Variants in ARMC2 observed in about 807,000 individuals in gnomAD.
ARMC2 encodes the protein armadillo repeat-containing protein 2.
In ARMC2, 67 loss-of-function variants were observed where a neutral mutation model predicts 90.3. The ratio of observed to expected loss-of-function variants is 0.74; its 90% CI spans 0.61 to 0.91. The LOEUF is 0.91. Ranked by LOEUF, ARMC2 falls within the 40% of genes least tolerant of loss-of-function variation. The pLI is 0.00. For missense variants in ARMC2, 920 were observed against 1,030.9 expected, an observed-to-expected ratio of 0.89 and a Z score of 1.47; for synonymous variants, 393 against 393.0, an observed-to-expected ratio of 1.00 and a Z score of 0.00.
chr6:108,917,929 C>T (rs1214161228), intron 10 of ARMC2, among the ~76,000 whole-genome samples: 2 of 152,170 alleles, frequency 1.3e-5, no homozygotes, highest in Admixed American at 1.3e-4. Flanking sequence ...GATCCACCCA[C>T]CTCAGCCTCC....
At chr6:108,976,654 A>T (rs11153140), downstream of ARMC2, among the ~76,000 whole-genome samples, 28,254 of 151,332 alleles carry the variant, frequency 0.19, 3,134 homozygotes, top group African/African-American at 0.3. Flanking sequence ...ATGTTTTTTT[A>T]ATTTGTGTCC....
At chr6:108,997,722 GATAAT>G in the ARMC2 span, among the ~76,000 whole-genome samples, 7 of 152,120 alleles carry the variant, frequency 4.6e-5, no homozygotes, top group African/African-American at 1.7e-4. Context: ...ATTTCAAAGG[GATAAT>G]ATAACTCAGA....
At chr6:108,993,587 C>T in the ARMC2 span, among the ~76,000 whole-genome samples, 1 of 152,126 alleles carries the variant, frequency 6.6e-6, no homozygotes, top group Non-Finnish European at 1.5e-5. Flanking sequence ...ATTATATTGT[C>T]AAAATACATC....
intron 15 of ARMC2, among the ~76,000 whole-genome samples, chr6:108,962,635 A>G (rs1378483390): frequency 6.6e-6 from 1 of 152,246 alleles, no homozygotes; most frequent in African/African-American, 2.4e-5. Flanking sequence ...CTGCATTGGT[A>G]TTGCTTCTGC....
intron 5 of ARMC2, among the ~76,000 whole-genome samples, chr6:108,890,189 C>A (rs1583024752): frequency 1.6e-5 from 1 of 64,248 alleles, no homozygotes; most frequent in East Asian, 7.6e-4. Flanking sequence ...GACTCCGTCT[C>A]AAAAAAAAAA....
chr6:108,962,147 A>G lies in ARMC2; in HGVS notation c.2152+20A>G. On this transcript the variant is annotated intron_variant, in intron 15 of 17. Coordinates refer to ENST00000392644, the MANE Select transcript of ARMC2 (RefSeq NM_032131.6). ...ACAATGGTGAGTTAATAACACTAGA[A>G]TTCATAAACATTCACTTTTTGCCAA... is the stretch of plus-strand genomic sequence containing the variant. 1.3e-6 allele frequency: 2 copies of G among 1,533,354 alleles called. No homozygotes were observed. Among genetic ancestry groups the G allele is most frequent in the Non-Finnish European group, 1.8e-6 (2 of 1,116,766 alleles). The allele number at this position is 1,533,354 out of a possible 1,614,324, so 95.0% of individuals were successfully genotyped here. A position where few individuals can be genotyped will look rare whatever the true frequency, so the allele number is the denominator to read the frequency against.
At chr6:108,976,219 A>G (rs1583248037), downstream of ARMC2, among the ~76,000 whole-genome samples, 1 of 152,208 alleles carries the variant, frequency 6.6e-6, no homozygotes, top group Non-Finnish European at 1.5e-5. Context: ...AGCTTTCTGC[A>G]TATGGCTAGC....
intron 10 of ARMC2, among the ~76,000 whole-genome samples, chr6:108,913,346 G>T (rs1773627585): frequency 6.6e-6 from 1 of 152,104 alleles, no homozygotes; most frequent in African/African-American, 2.4e-5. Context: ...TTAGATTTAG[G>T]CCCTGCCTTC....
chr6:108,975,466 A>G (rs1778965984), downstream of ARMC2, among the ~76,000 whole-genome samples: 1 of 152,200 alleles, frequency 6.6e-6, no homozygotes, highest in South Asian at 2.1e-4. Flanking sequence ...CAATAAACAT[A>G]CATGTGCATG....
intron 3 of ARMC2, among the ~76,000 whole-genome samples, chr6:108,863,110 C>T (rs1036143036): frequency 1.3e-5 from 2 of 152,124 alleles, no homozygotes; most frequent in African/African-American, 4.8e-5. Context: ...TTCCTGTTAG[C>T]AGAAACACTC....
chr6:109,027,467 A>G, the ARMC2 span, among the ~76,000 whole-genome samples: 2 of 118,760 alleles, frequency 1.7e-5, no homozygotes, highest in African/African-American at 6.8e-5. Context: ...ACAGAGGGAG[A>G]CTCTGTCTCA....
At chr6:108,896,794 T>C (rs542993304) in intron 6 of ARMC2, among the ~76,000 whole-genome samples, 1 of 152,226 alleles carries the variant, frequency 6.6e-6, no homozygotes, top group African/African-American at 2.4e-5. Flanking sequence ...AGTTCTCTAT[T>C]AAGCAGCATA....
intron 12 of ARMC2, among the ~76,000 whole-genome samples, chr6:108,949,139 C>T (rs565898079): frequency 3.9e-4 from 60 of 152,310 alleles, no homozygotes; most frequent in African/African-American, 1.4e-3. Context: ...AATAAGCAAT[C>T]ACTTAAAATC....
At chr6:109,051,977 C>T in the ARMC2 span, among the ~76,000 whole-genome samples, 1 of 152,208 alleles carries the variant, frequency 6.6e-6, no homozygotes, top group African/African-American at 2.4e-5. Context: ...ATCACATTGA[C>T]AGCACCCAAA....
chr6:108,993,828 C>A, the ARMC2 span, among the ~76,000 whole-genome samples: 287 of 152,134 alleles, frequency 1.9e-3, 1 homozygote, highest in African/African-American at 6.7e-3. Flanking sequence ...GATCCTTCCA[C>A]CTCAGCTTCT....
intron 3 of ARMC2, among the ~76,000 whole-genome samples, chr6:108,861,907 G>A (rs1775284758): frequency 1.3e-5 from 2 of 152,162 alleles, no homozygotes; most frequent in Admixed American, 6.5e-5. Context: ...TCATTTTCTA[G>A]AGATAACCTG....
intron 7 of ARMC2, among the ~76,000 whole-genome samples, chr6:108,900,485 C>T (rs1772016563): frequency 6.6e-6 from 1 of 152,176 alleles, no homozygotes; most frequent in African/African-American, 2.4e-5. Context: ...AGGGAGAGCC[C>T]AGGGCCTGGC....
chr6:109,032,572 T>A, the ARMC2 span, among the ~76,000 whole-genome samples: 3 of 146,160 alleles, frequency 2.1e-5, no homozygotes, highest in African/African-American at 8.0e-5. Flanking sequence ...GAGCCGAGAT[T>A]GGGCCATTGC....
intron 12 of ARMC2, among the ~76,000 whole-genome samples, chr6:108,937,952 T>C (rs1776096463): frequency 6.6e-6 from 1 of 152,056 alleles, no homozygotes; most frequent in Admixed American, 6.6e-5. Flanking sequence ...CACCTTGGCC[T>C]CCCTCCCAAA....
Sources: gnomAD v4.1 joint callset for allele counts (sites outside exome capture counted in the v4.1 genomes callset) on GRCh38, gnomAD v4.1.1 for gene constraint, MANE v1.5 for transcripts, NCBI Gene and HGNC (gene_info 2026-07-23, HGNC 2026-07-21) for gene names.